Variants in ASAP2 observed in about 807,000 individuals in gnomAD.
ASAP2 encodes the protein arf-GAP with SH3 domain, ANK repeat and PH domain-containing protein 2.
ASAP2 carries 45 observed loss-of-function variants against 131.4 expected under a neutral mutation model. The ratio of observed to expected loss-of-function variants is 0.34; its 90% CI spans 0.27 to 0.44. The LOEUF is 0.44. Among genes scored for constraint, ASAP2 ranks in the 20% least tolerant of loss-of-function variants. ASAP2 has a pLI of 1.00. For missense variants in ASAP2, 1,011 were observed against 1,297.0 expected, an observed-to-expected ratio of 0.78 and a Z score of 3.39; for synonymous variants, 510 against 503.0, an observed-to-expected ratio of 1.01 and a Z score of -0.19.
chr2:9,320,577 T>C (rs1402903724), intron 5 of ASAP2, among the ~76,000 whole-genome samples: 1 of 152,240 alleles, frequency 6.6e-6, no homozygotes, highest in Non-Finnish European at 1.5e-5. Context: ...GATGTTATTT[T>C]CAGGAAAGTT....
At chr2:9,395,367 C>T (rs1485735299) in intron 24 of ASAP2, among the ~76,000 whole-genome samples, 2 of 151,896 alleles carry the variant, frequency 1.3e-5, no homozygotes, top group African/African-American at 4.8e-5. Flanking sequence ...CCCAGCTACT[C>T]AGGAGGCTGA....
intron 21 of ASAP2, 131 bp from the exon 22 acceptor site, chr2:9,388,163 A>C (rs1018841078): frequency 3.5e-6 from 4 of 1,148,752 alleles, no homozygotes; most frequent in Non-Finnish European, 4.9e-6. Flanking sequence ...CTCAGGCAAC[A>C]GTTGAGAGCT....
At position 9,325,033 on chromosome 2, in the gene ASAP2, TTAGAGATATTCAC is replaced by T. The variant is rs571770566; in HGVS notation, c.600+1788_600+1800del. ...GCCTTGTTTTTCATTGAGAGAATGT[TTAGAGATATTCAC>T]TAGATGAAAAACAAGCAAATATTTT... On this transcript the variant is annotated intron_variant, in intron 6 of 27. Transcript: ENST00000281419. Among the ~76,000 whole-genome samples the T allele has an allele frequency of 2.4e-4, 37 of 152,328 alleles. No individual in the cohort carries two copies. The East Asian group carries it at 3.5e-3, about 14-fold the overall frequency.
chr2:9,226,371 G>C (rs180826763), intron 1 of ASAP2, among the ~76,000 whole-genome samples: 1 of 152,240 alleles, frequency 6.6e-6, no homozygotes, highest in Admixed American at 6.5e-5. Flanking sequence ...TGCAGGGAGC[G>C]GGGTCACCTC....
chr2:9,370,948 G>A (rs944704560), intron 16 of ASAP2, among the ~76,000 whole-genome samples: 1 of 152,106 alleles, frequency 6.6e-6, no homozygotes, highest in Non-Finnish European at 1.5e-5. Context: ...TCACACTGAC[G>A]GTACCAGCAC....
rs556544226 is a variant in ASAP2 at position 9,397,711 on chromosome 2, A to G, written c.2685-2312A>G. Reference sequence around the variant, plus strand: ...GCTTTTATATTTGTAATTGGTTGGGAAAAAAAAATCAAAAGGATATATATA... The same window carrying G: ...GCTTTTATATTTGTAATTGGTTGGGGAAAAAAAATCAAAAGGATATATATA... On this transcript the variant is annotated intron_variant, in intron 24 of 27. Coordinates refer to ENST00000281419, the MANE Select transcript of ASAP2 (RefSeq NM_003887.3). Among the ~76,000 whole-genome samples, 22 of 140,686 alleles carry G rather than the reference A, an allele frequency of 1.6e-4. 1 individual carries two copies. The highest frequency in any genetic ancestry group is 3.6e-3 in the Middle Eastern group (1 of 278). 92.3% of individuals were successfully genotyped at this position (140,686 alleles called of 152,430 possible). A position where few individuals can be genotyped will look rare whatever the true frequency, so the allele number is the denominator to read the frequency against.
chr2:9,336,576 C>T (rs1038973388), intron 9 of ASAP2, among the ~76,000 whole-genome samples: 10 of 152,178 alleles, frequency 6.6e-5, no homozygotes, highest in Admixed American at 4.6e-4. Context: ...AGTGCCACAG[C>T]GCTCATTTAG....
chr2:9,347,741 T>A (rs554726708), intron 11 of ASAP2, among the ~76,000 whole-genome samples: 1 of 152,176 alleles, frequency 6.6e-6, no homozygotes, highest in Non-Finnish European at 1.5e-5. Flanking sequence ...TAATTAGATA[T>A]CCTCTTTGCC....
intron 7 of ASAP2, among the ~76,000 whole-genome samples, chr2:9,331,635 G>C (rs1464939074): frequency 6.6e-6 from 1 of 152,158 alleles, no homozygotes; most frequent in Non-Finnish European, 1.5e-5. Flanking sequence ...GGATGCGGTA[G>C]TGCACACCTG....
At chr2:9,388,990 T>C (rs115600785) in intron 22 of ASAP2, among the ~76,000 whole-genome samples, 2,027 of 152,292 alleles carry the variant, frequency 0.013, 35 homozygotes, top group African/African-American at 0.047. Context: ...ATGATCCCCA[T>C]AAAAGATATT....
At chr2:9,226,316 G>A (rs753762142) in intron 1 of ASAP2, among the ~76,000 whole-genome samples, 21 of 152,184 alleles carry the variant, frequency 1.4e-4, no homozygotes, top group Non-Finnish European at 2.8e-4. Flanking sequence ...AAAGCACACT[G>A]TATGGCTGTG....
chr2:9,333,452 G>C (rs922769795), intron 7 of ASAP2, among the ~76,000 whole-genome samples: 24 of 152,214 alleles, frequency 1.6e-4, no homozygotes, highest in Non-Finnish European at 3.2e-4. Context: ...GGAATAACTT[G>C]TAGGGGATTA....
At chr2:9,258,335 GTTTTTTTTT>G (rs34528995) in intron 1 of ASAP2, among the ~76,000 whole-genome samples, 1 of 90,622 alleles carries the variant, frequency 1.1e-5, no homozygotes, top group South Asian at 3.8e-4. Flanking sequence ...ATCAGTAGTT[GTTTTTTTTT>G]TTTTTTTTTG....
chr2:9,379,456 G>T (rs1371138519), intron 19 of ASAP2, among the ~76,000 whole-genome samples: 1 of 152,114 alleles, frequency 6.6e-6, no homozygotes, highest in Non-Finnish European at 1.5e-5. Context: ...ATTACAGGGG[G>T]AGATGCTGTT....
At position 9,393,596 on chromosome 2, in the gene ASAP2, C is replaced by T. The variant is rs546453649; in HGVS notation, c.2633C>T (p.Pro878Leu). The T allele has an allele frequency of 2.1e-5, 34 of 1,594,092 alleles. No homozygotes were observed. In the African/African-American group the frequency reaches 4.2e-4, roughly 19 times the overall value. The change falls in exon 24 of 28, where the codon CCT becomes CTT. Residue 878 changes from proline (P) to leucine (L), a missense_variant. Around this residue, in one of 2 missense-constraint regions of ASAP2, gnomAD observed 652 missense variants for 698.9 expected, o/e 0.93. Coordinates refer to ENST00000281419, the MANE Select transcript of ASAP2 (RefSeq NM_003887.3). Reference sequence around the variant, plus strand: ...GGGATCTCACAGATCAGGCCCCCACCTCTGCCCCCACAGCCGCCCAGCCGC... The same window carrying T: ...GGGATCTCACAGATCAGGCCCCCACTTCTGCCCCCACAGCCGCCCAGCCGC... ...PPGISQIRPP[P>L]LPPQPPSRLP...
Position 9,400,823 on chromosome 2 carries a change from C to G in ASAP2, c.2816C>G (p.Ser939Trp). 3 of 1,613,354 alleles carry G rather than the reference C, an allele frequency of 1.9e-6. No individual in the cohort carries two copies. Among genetic ancestry groups the G allele is most frequent in the Non-Finnish European group, 2.5e-6 (3 of 1,179,820 alleles). Residue 939 changes from serine (S) to tryptophan (W), a missense_variant, in exon 26 of 28, where the codon TCG becomes TGG. By Grantham distance (177) the Ser-to-Trp change is radical. Around this residue, in one of 2 missense-constraint regions of ASAP2, gnomAD observed 652 missense variants for 698.9 expected, o/e 0.93. Coordinates refer to ENST00000281419, the MANE Select transcript of ASAP2 (RefSeq NM_003887.3). ...LQPPAPMPRK[S>W]QATKLKPKRV... ...CCCCCTGCACCCATGCCTAGGAAGT[C>G]GCAGGCAGTAAGTGACGAGCCCCCT...
At chr2:9,342,636 A>G (rs773415823) in intron 9 of ASAP2, among the ~76,000 whole-genome samples, 9 of 152,278 alleles carry the variant, frequency 5.9e-5, no homozygotes, top group Admixed American at 3.3e-4. Flanking sequence ...TACAAGTGAC[A>G]AATGAAACAG....
At chr2:9,334,662 G>GTA in intron 7 of ASAP2, 76 bp from the exon 8 acceptor site, 1 of 1,366,192 alleles carries the variant, frequency 7.3e-7, no homozygotes, top group African/African-American at 1.4e-5. Context: ...TCACTTTAAA[G>GTA]AAGTTTTTAA....
chr2:9,259,074 G>A (rs951349728), intron 1 of ASAP2, among the ~76,000 whole-genome samples: 5 of 152,236 alleles, frequency 3.3e-5, no homozygotes, highest in African/African-American at 9.6e-5. Flanking sequence ...GCTCTGGGCC[G>A]TGGTCCAGCC....
Sources: gnomAD v4.1 joint callset for allele counts (sites outside exome capture counted in the v4.1 genomes callset) on GRCh38, gnomAD v4.1.1 for gene constraint, gnomAD v4.1.1 regional missense constraint, MANE v1.5 for transcripts, NCBI Gene and HGNC (gene_info 2026-07-23, HGNC 2026-07-21) for gene names.